Variants in LRPPRC observed in about 807,000 individuals in gnomAD.
The protein encoded by LRPPRC is leucine rich pentatricopeptide repeat containing, also known as leucine-rich PPR motif-containing protein, mitochondrial.
LRPPRC carries 120 observed loss-of-function variants against 180.3 expected under a neutral mutation model. The ratio of observed to expected loss-of-function variants is 0.67; its 90% CI spans 0.57 to 0.77. The LOEUF is 0.77. Ranked by LOEUF, LRPPRC falls within the 30% of genes least tolerant of loss-of-function variation. The pLI, the probability that LRPPRC is intolerant of heterozygous loss-of-function variation, is 0.00. For missense variants in LRPPRC, 2,012 were observed against 1,657.2 expected, an observed-to-expected ratio of 1.21 and a Z score of -3.72; for synonymous variants, 723 against 600.0, an observed-to-expected ratio of 1.21 and a Z score of -3.00.
At chr2:43,934,437 C>A in intron 24 of LRPPRC, 141 bp from the exon 25 acceptor site, 1 of 620,472 alleles carries the variant, frequency 1.6e-6, no homozygotes. Context: ...ATAGCTATAT[C>A]GACTAATTAA....
chr2:43,908,924 T>C (rs949229082), intron 30 of LRPPRC, among the ~76,000 whole-genome samples: 48 of 152,304 alleles, frequency 3.2e-4, no homozygotes, highest in African/African-American at 1.1e-3. Context: ...ACTGCCAGAA[T>C]AATACTAGGG....
At chr2:43,957,342 C>A in intron 14 of LRPPRC, 43 bp downstream of exon 14, 1 of 1,311,412 alleles carries the variant, frequency 7.6e-7, no homozygotes, top group South Asian at 1.2e-5. Flanking sequence ...CAGGAGAAAT[C>A]AGTCCATGTT....
In LRPPRC at chr2:43,963,650, T is replaced by C. The variant is rs115507225; in HGVS notation, c.1426A>G (p.Thr476Ala). 1.1e-3 allele frequency: 1,779 copies of C among 1,612,800 alleles called. No individual in the cohort carries two copies. Among genetic ancestry groups the C allele is most frequent in the Non-Finnish European group, 1.4e-3 (1,682 of 1,178,888 alleles). ...QELGVHPDQE[T>A]YTDYVIPCFD... The stretch of plus-strand genomic sequence containing the variant: ...CATGGAATCACATAATCTGTATATG[T>C]TTCCTGATCAGGATGTACTCCCAAT... The change falls in exon 12 of 38, where the codon ACA (threonine) becomes GCA (alanine). Residue 476 changes from threonine (T) to alanine (A), a missense_variant. Physicochemically the swap from Thr to Ala is moderately conservative, Grantham distance 58. Transcript: ENST00000260665.
chr2:43,898,504 G>A (rs1019660570), intron 34 of LRPPRC, among the ~76,000 whole-genome samples: 13 of 152,176 alleles, frequency 8.5e-5, no homozygotes, highest in Non-Finnish European at 1.8e-4. Context: ...GGGGCTCCCC[G>A]GCGGTGCCTG....
rs77379587 is a variant in LRPPRC, at chr2:43,900,014, A to C, written c.3570-409T>G. On this transcript the variant is annotated intron_variant, in intron 32 of 37. Transcript: ENST00000260665. ...GTATAAATGCTACAATTTTGGCTTT[A>C]TGATCCACAACTTGTCACTACTGCA... Among the ~76,000 whole-genome samples, 4 of 152,216 alleles carry C rather than the reference A, an allele frequency of 2.6e-5. No individual in the cohort carries two copies. The South Asian group carries it at 8.3e-4, about 31-fold the overall frequency.
chr2:43,961,473 C>T (rs1021879882), intron 12 of LRPPRC, among the ~76,000 whole-genome samples: 2 of 152,056 alleles, frequency 1.3e-5, no homozygotes, highest in African/African-American at 4.8e-5. Flanking sequence ...TACTTTCTTG[C>T]TAAAAGAGAT....
rs547786421 is a variant in LRPPRC at position 43,994,404 on chromosome 2, G to A, written c.149+1395C>T. Among the ~76,000 whole-genome samples, 191 of 152,194 alleles carry A rather than the reference G, an allele frequency of 1.3e-3. 5 individuals carry two copies. Among genetic ancestry groups the A allele is most frequent in the Non-Finnish European group, 6.0e-4 (41 of 68,046 alleles). On this transcript the variant is annotated intron_variant, in intron 1 of 37. Coordinates refer to ENST00000260665, the MANE Select transcript of LRPPRC (RefSeq NM_133259.4). ...AACCGTAGATATTATGACTCCTGTA[G>A]TAACCAACAAAGCACTTACTAGGCA...
chr2:43,899,625 T>C lies in LRPPRC; in HGVS notation c.3570-20A>G, dbSNP rs1670816334. The C allele has an allele frequency of 6.3e-7, 1 of 1,580,684 alleles. No individual in the cohort carries two copies. Among genetic ancestry groups the C allele is most frequent in the South Asian group, 1.1e-5 (1 of 90,058 alleles). ...TTATTACTGTTAAAAGCAAAATAAATTACTTAAAAATTTGCTTTTATGTTA... is the reference window on the plus strand; with the variant it reads ...TTATTACTGTTAAAAGCAAAATAAACTACTTAAAAATTTGCTTTTATGTTA... On this transcript the variant is annotated intron_variant, in intron 32 of 37. Transcript: ENST00000260665.
intron 36 of LRPPRC, among the ~76,000 whole-genome samples, chr2:43,890,532 T>G (rs917853321): frequency 2.0e-5 from 3 of 152,088 alleles, no homozygotes; most frequent in Non-Finnish European, 4.4e-5. Context: ...GCTAACATGG[T>G]GAAACCCTGT....
chr2:43,986,135 ATTTAT>A (rs1267305064), intron 1 of LRPPRC, among the ~76,000 whole-genome samples: 9 of 151,620 alleles, frequency 5.9e-5, no homozygotes, highest in African/African-American at 9.7e-5. Flanking sequence ...GCCCATTTTT[ATTTAT>A]TTTATTTTGA....
intron 1 of LRPPRC, among the ~76,000 whole-genome samples, chr2:43,995,582 G>C (rs1038466643): frequency 3.9e-5 from 6 of 152,226 alleles, no homozygotes; most frequent in African/African-American, 1.4e-4. Context: ...ATTCAAGCCG[G>C]AGGCAGGCCA....
chr2:43,896,505 A>G, intron 35 of LRPPRC, 129 bp downstream of exon 35: 2 of 681,332 alleles, frequency 2.9e-6, no homozygotes, highest in Admixed American at 2.4e-5. Context: ...AGTAGAGACA[A>G]GCAAAGTCTT....
chr2:43,963,440 A>G (rs1341679115), intron 12 of LRPPRC, 148 bp downstream of exon 12: 16 of 678,214 alleles, frequency 2.4e-5, no homozygotes, highest in African/African-American at 2.2e-4. Context: ...GAGAAACTCC[A>G]TCTCAAAAAA....
rs1034658027 is a variant in LRPPRC at position 43,889,739 on chromosome 2, G to T, written c.4123C>A (p.Pro1375Thr). 2 of 1,611,384 alleles carry T rather than the reference G, an allele frequency of 1.2e-6. No individual in the cohort carries two copies. The highest frequency in any genetic ancestry group is 1.1e-5 in the South Asian group (1 of 91,020). ...YAGEPVPFIE[P>T]PESFEFYAQQ... is the part of the protein sequence containing the mutation. ...CTTAATTAAGAAATACTCACAGGGG[G>T]TTCAATGAAAGGGACAGGCTCTCCA... The change falls in exon 37 of 38, where the codon CCC (proline) becomes ACC (threonine). Residue 1375 changes from proline (P) to threonine (T), a missense_variant. Physicochemically the swap from Pro to Thr is conservative, Grantham distance 38. Transcript: ENST00000260665.
At chr2:43,917,967 C>A (rs1232656022) in intron 29 of LRPPRC, 58 bp downstream of exon 29, 8 of 1,229,118 alleles carry the variant, frequency 6.5e-6, no homozygotes, top group Admixed American at 5.3e-5. Flanking sequence ...ACACCCCACA[C>A]TGCTATTAGA....
At position 43,909,813 on chromosome 2, in the gene LRPPRC, C is replaced by G. The variant is rs553132921; in HGVS notation, c.3275+2619G>C. ...TATCTCAGGAAGGCTTCATAAAGAT[C>G]TAGAGAAGAAGGGAAGAAGATAAAC... On this transcript the variant is annotated intron_variant, in intron 30 of 37. Coordinates refer to ENST00000260665, the MANE Select transcript of LRPPRC (RefSeq NM_133259.4). Among the ~76,000 whole-genome samples, 4 of 151,976 alleles carry G rather than the reference C, an allele frequency of 2.6e-5. No individual in the cohort carries two copies. In the South Asian group the frequency reaches 8.3e-4, roughly 32 times the overall value.
chr2:43,934,651 C>G (rs1672207684), intron 24 of LRPPRC, 103 bp downstream of exon 24: 2 of 943,214 alleles, frequency 2.1e-6, no homozygotes, highest in Non-Finnish European at 3.3e-6. Context: ...GAAAGTTTAT[C>G]TGAATGTGCT....
intron 25 of LRPPRC, among the ~76,000 whole-genome samples, chr2:43,931,416 A>T (rs977707915): frequency 6.6e-6 from 1 of 152,210 alleles, no homozygotes; most frequent in African/African-American, 2.4e-5. Context: ...ATAATGTACC[A>T]GACAATCCAG....
In LRPPRC at chr2:43,977,174, G is replaced by C. The variant is rs1572570707; in HGVS notation, c.572C>G (p.Ala191Gly). The C allele has an allele frequency of 2.5e-6, 4 of 1,610,922 alleles. No homozygotes were observed. In the African/African-American group the frequency reaches 4.0e-5, roughly 16 times the overall value. ...PTDFLAKMEEANIQPNRVTYQ... is the reference protein window; with the variant it reads ...PTDFLAKMEEGNIQPNRVTYQ... Reference sequence around the variant, plus strand: ...ACTTACTCGATTTGGTTGAATGTTTGCTTCCTCCATTTTTGCCAGGAAATC... The same window carrying C: ...ACTTACTCGATTTGGTTGAATGTTTCCTTCCTCCATTTTTGCCAGGAAATC... The change falls in exon 4 of 38, where the codon GCA becomes GGA. Residue 191 changes from alanine to glycine, a missense_variant. Ala to Gly is a moderately conservative substitution (Grantham distance 60). Coordinates refer to ENST00000260665, the MANE Select transcript of LRPPRC (RefSeq NM_133259.4).
Sources: allele counts gnomAD v4.1 joint callset (sites outside exome capture counted in the v4.1 genomes callset), GRCh38; gene constraint gnomAD v4.1.1; transcripts MANE v1.5; gene names NCBI Gene and HGNC (gene_info 2026-07-23, HGNC 2026-07-21).